Variants in GALNT13 observed in about 807,000 individuals in gnomAD.
GALNT13 encodes UDP-GalNAc:polypeptide N-acetylgalactosaminyltransferase 13.
A neutral mutation model predicts 64.2 loss-of-function variants in GALNT13; 28 were observed. The ratio of observed to expected loss-of-function variants is 0.44; its 90% confidence interval spans 0.32 to 0.60. The LOEUF is 0.60. GALNT13 is among the 20% of genes least tolerant of loss of function. GALNT13 has a pLI of 0.05. For synonymous variants in GALNT13, 214 were observed against 224.6 expected (o/e 0.95, Z 0.42); for missense variants, 577 against 669.8 (o/e 0.86, Z 1.53).
chr2:153,331,628 G>T, the GALNT13 span, among the ~76,000 whole-genome samples: 2 of 149,918 alleles, frequency 1.3e-5, no homozygotes, highest in East Asian at 3.9e-4. Context: ...TCCTTTTCAC[G>T]TTTTTTTTTG....
At chr2:154,359,355 G>A (rs1696932700) in intron 9 of GALNT13, among the ~76,000 whole-genome samples, 1 of 152,056 alleles carries the variant, frequency 6.6e-6, no homozygotes, top group Admixed American at 6.6e-5. Flanking sequence ...AATCTAAAGT[G>A]AAGTTTCAGA....
the GALNT13 span, among the ~76,000 whole-genome samples, chr2:153,648,000 A>C: frequency 1.3e-5 from 2 of 152,158 alleles, no homozygotes; most frequent in African/African-American, 4.8e-5. Context: ...CAATTCTGTG[A>C]AGAAAGTCAT....
the GALNT13 span, among the ~76,000 whole-genome samples, chr2:153,096,205 C>G: frequency 6.6e-6 from 1 of 151,726 alleles, no homozygotes; most frequent in Non-Finnish European, 1.5e-5. Flanking sequence ...AGTCTTATTC[C>G]ACTGTGGTCA....
At chr2:154,370,213 A>G (rs2105308255) in intron 9 of GALNT13, among the ~76,000 whole-genome samples, 1 of 152,246 alleles carries the variant, frequency 6.6e-6, no homozygotes, top group East Asian at 1.9e-4. Flanking sequence ...ATATAGGTAG[A>G]AAAGTAGAGT....
chr2:153,869,332 ATAT>A (rs1369551975), upstream of GALNT13, among the ~76,000 whole-genome samples: 4 of 152,126 alleles, frequency 2.6e-5, no homozygotes, highest in Non-Finnish European at 5.9e-5. Context: ...ATATTAATAG[ATAT>A]TATTCCCAGT....
At chr2:154,129,795 A>T (rs995947924) in intron 3 of GALNT13, among the ~76,000 whole-genome samples, 4 of 152,158 alleles carry the variant, frequency 2.6e-5, no homozygotes, top group Admixed American at 2.6e-4. Context: ...TGATTAATGA[A>T]CATGGGGCCT....
the GALNT13 span, among the ~76,000 whole-genome samples, chr2:153,773,166 G>C: frequency 6.6e-6 from 1 of 152,196 alleles, no homozygotes; most frequent in African/African-American, 2.4e-5. Context: ...ATTTGTAATT[G>C]GACAAGGTTG....
the GALNT13 span, among the ~76,000 whole-genome samples, chr2:153,404,781 T>C: frequency 6.6e-6 from 1 of 152,202 alleles, no homozygotes; most frequent in African/African-American, 2.4e-5. Flanking sequence ...TGAAAGTAAA[T>C]TCAGTAAACG....
intron 4 of GALNT13, among the ~76,000 whole-genome samples, chr2:154,196,846 G>C (rs1366050971): frequency 6.6e-6 from 1 of 152,104 alleles, no homozygotes; most frequent in Non-Finnish European, 1.5e-5. Flanking sequence ...CCTCTTTGTT[G>C]AATGCCCTTT....
chr2:153,660,141 C>T, the GALNT13 span, among the ~76,000 whole-genome samples: 1 of 151,990 alleles, frequency 6.6e-6, no homozygotes, highest in Non-Finnish European at 1.5e-5. Flanking sequence ...CACAGCATAA[C>T]ATAATAAAAA....
chr2:153,800,084 C>CTCTCTCTCTCTCTCTCTCTCTCTCTCTCT, the GALNT13 span, among the ~76,000 whole-genome samples: 1 of 145,634 alleles, frequency 6.9e-6, no homozygotes, highest in Non-Finnish European at 1.5e-5. Flanking sequence ...CTCTCTCTCT[C>CTCTCTCTCTCTCTCTCTCTCTCTCTCTCT]CACCCCCCAC....
intron 4 of GALNT13, among the ~76,000 whole-genome samples, chr2:154,160,730 A>G (rs1573778685): frequency 6.6e-6 from 1 of 152,182 alleles, no homozygotes; most frequent in Non-Finnish European, 1.5e-5. Flanking sequence ...TAAGATTCCC[A>G]TCACTTGGCT....
the GALNT13 span, among the ~76,000 whole-genome samples, chr2:153,346,519 A>AT: frequency 6.6e-6 from 1 of 151,920 alleles, no homozygotes. Context: ...TTTATAATTT[A>AT]TTTTTTTTAA....
chr2:154,057,815 G>A (rs187366536), intron 3 of GALNT13, among the ~76,000 whole-genome samples: 17 of 152,088 alleles, frequency 1.1e-4, no homozygotes, highest in Non-Finnish European at 2.5e-4. Context: ...GTATCATTTA[G>A]ACTTTATGGA....
At chr2:154,077,691 C>T (rs1701059486) in intron 3 of GALNT13, among the ~76,000 whole-genome samples, 1 of 151,346 alleles carries the variant, frequency 6.6e-6, no homozygotes, top group Non-Finnish European at 1.5e-5. Flanking sequence ...TATACATGTT[C>T]TTAGTCATTG....
chr2:153,423,562 C>A, the GALNT13 span: 1 of 151,700 alleles, frequency 6.6e-6, no homozygotes, highest in Admixed American at 6.6e-5. Context: ...TCATCATTTG[C>A]AAAGATTATG....
At position 154,324,800 on chromosome 2, in the gene GALNT13, A is replaced by C. The variant is rs536115257; in HGVS notation, c.1156+23211A>C. On this transcript the variant is annotated intron_variant, in intron 9 of 12. Coordinates refer to ENST00000392825, the MANE Select transcript of GALNT13 (RefSeq NM_052917.4). Reference sequence around the variant, plus strand: ...CCTCCAGGACCAGATGCTCACCGGCAGGAGTGTGGTTGCTTGGCACCAGCC... The same window carrying C: ...CCTCCAGGACCAGATGCTCACCGGCCGGAGTGTGGTTGCTTGGCACCAGCC... Among the ~76,000 whole-genome samples the C allele has an allele frequency of 2.1e-3, 321 of 152,230 alleles. 3 individuals carry two copies. The highest frequency in any genetic ancestry group is 1.6e-3 in the Non-Finnish European group (111 of 67,994).
intron 3 of GALNT13, among the ~76,000 whole-genome samples, chr2:154,103,887 A>G (rs1214260414): frequency 6.6e-6 from 1 of 152,160 alleles, no homozygotes; most frequent in Non-Finnish European, 1.5e-5. Flanking sequence ...ATACTCTAGC[A>G]TGATTCCCTT....
chr2:154,290,365 C>A (rs1692533105), intron 8 of GALNT13, among the ~76,000 whole-genome samples: 1 of 152,160 alleles, frequency 6.6e-6, no homozygotes, highest in Non-Finnish European at 1.5e-5. Context: ...AGGAAGGAAG[C>A]AAGGGGCATG....
Sources: gnomAD v4.1 joint callset for allele counts (sites outside exome capture counted in the v4.1 genomes callset) on GRCh38, gnomAD v4.1.1 for gene constraint, MANE v1.5 for transcripts, NCBI Gene and HGNC (gene_info 2026-07-23, HGNC 2026-07-21) for gene names.